TTC7B: variants seen among roughly 807,000 people sequenced by gnomAD.
The protein encoded by TTC7B is tetratricopeptide repeat domain 7B.
Under a neutral mutation model 106.8 loss-of-function variants are expected in TTC7B, and 28 were observed. The ratio of observed to expected loss-of-function variants is 0.26; its 90% CI spans 0.19 to 0.36. The LOEUF (loss-of-function observed/expected upper bound fraction) is 0.36, where lower values mean the gene tolerates loss of function less well. Among genes scored for constraint, TTC7B ranks in the 10% least tolerant of loss-of-function variants. The pLI is 1.00. For synonymous variants in TTC7B, 405 were observed against 430.6 expected, an observed-to-expected ratio of 0.94 and a Z score of 0.74; for missense variants, 862 against 1,076.4, an observed-to-expected ratio of 0.80 and a Z score of 2.79.
chr14:90,581,207 C>T (rs1281792866), intron 18 of TTC7B, among the ~76,000 whole-genome samples: 2 of 152,196 alleles, frequency 1.3e-5, no homozygotes, highest in Non-Finnish European at 2.9e-5. Flanking sequence ...CACAGAAACT[C>T]GAGCAATTCC....
chr14:90,790,562 G>A (rs983802708), intron 1 of TTC7B, among the ~76,000 whole-genome samples: 10 of 152,014 alleles, frequency 6.6e-5, no homozygotes, highest in African/African-American at 1.4e-4. Flanking sequence ...CGGCCTGAGC[G>A]GAGGACTCCT....
rs562704401 is a variant in TTC7B, at chr14:90,531,341, C to G, written c.*10027G>C. On this transcript the variant is annotated 3_prime_UTR_variant, in exon 20 of 20. Coordinates refer to ENST00000328459, the MANE Select transcript of TTC7B (RefSeq NM_001010854.2). ...ATCCCAGCACTTTGGGAGGCTGAGGCGGGCAGATCACCTGAAGCAGGAGTT... is the reference window on the plus strand; with the variant it reads ...ATCCCAGCACTTTGGGAGGCTGAGGGGGGCAGATCACCTGAAGCAGGAGTT... 6.6e-6 allele frequency: 1 copy of G among 151,898 alleles called. No individual in the cohort carries two copies. Among genetic ancestry groups the G allele is most frequent in the Non-Finnish European group, 1.5e-5 (1 of 68,016 alleles). The allele number at this position is 151,898 out of a possible 1,614,324, so 9.4% of individuals were successfully genotyped here. A position where few individuals can be genotyped will look rare whatever the true frequency, so the allele number is the denominator to read the frequency against.
Position 90,657,258 on chromosome 14 carries a change from C to T in TTC7B, c.1257G>A (p.Val419=), listed in dbSNP as rs1441866372. 2 of 1,613,856 alleles carry T rather than the reference C, an allele frequency of 1.2e-6. No homozygotes were observed. The highest frequency in any genetic ancestry group is 2.7e-5 in the African/African-American group (2 of 74,948). ...AAGKSARAVK[V]LKECIRLKPD... is the part of the protein sequence containing the mutation. ...GCTTCAGGCGGATACACTCTTTCAG[C>T]ACCTTCACGGCACGGGCAGACTTGG... The change falls in exon 11 of 20, where the codon GTG becomes GTA. Residue 419 remains valine (V), a synonymous_variant. Coordinates refer to ENST00000328459, the MANE Select transcript of TTC7B (RefSeq NM_001010854.2). This position sits in a 1 kb window ranked among gnomAD's most constrained non-coding sequence, Gnocchi z 4.2.
chr14:90,770,054 G>A (rs866511483), intron 3 of TTC7B, among the ~76,000 whole-genome samples: 2 of 152,188 alleles, frequency 1.3e-5, no homozygotes, highest in Admixed American at 6.5e-5. Context: ...GGAGGCTGAA[G>A]CAGGAGATCT....
chr14:90,814,588 AG>A (rs1014311269), intron 1 of TTC7B, among the ~76,000 whole-genome samples: 1 of 152,208 alleles, frequency 6.6e-6, no homozygotes, highest in African/African-American at 2.4e-5. Flanking sequence ...AAAGACCAGG[AG>A]GCTCACAAAT....
At chr14:90,666,983 T>C (rs1304802134) in intron 9 of TTC7B, among the ~76,000 whole-genome samples, 3 of 152,246 alleles carry the variant, frequency 2.0e-5, no homozygotes, top group Non-Finnish European at 4.4e-5. Context: ...GCTTTGCCAA[T>C]GTAGCTGTTC....
chr14:90,541,455 C>T lies in TTC7B; in HGVS notation c.2445G>A (p.Ala815=), dbSNP rs764453953. Residue 815 remains alanine, a synonymous_variant, in exon 20 of 20, where the codon GCG becomes GCA. Coordinates refer to ENST00000328459, the MANE Select transcript of TTC7B (RefSeq NM_001010854.2). ...CTGTCAGGAAGCACTCCGTAGCCGC[C>T]GCATCGTTGCCCTGAGCTTGGAGGA... ...GEVLQAQGND[A]AATECFLTAL... 13 of 1,613,942 alleles carry T rather than the reference C, an allele frequency of 8.1e-6. No homozygotes were observed. The highest frequency in any genetic ancestry group is 1.7e-5 in the Admixed American group (1 of 60,022).
chr14:90,703,288 G>A (rs1218129253), intron 5 of TTC7B, among the ~76,000 whole-genome samples: 1 of 152,190 alleles, frequency 6.6e-6, no homozygotes, highest in Non-Finnish European at 1.5e-5. Context: ...CTAACAAAAT[G>A]ACTTCATTCA....
rs1346716790 is a variant in TTC7B, at chr14:90,600,504, A to AG, written c.1967-6879_1967-6878insC. Among the ~76,000 whole-genome samples the AG allele has an allele frequency of 6.6e-6, 1 of 152,170 alleles. No homozygotes were observed. Among genetic ancestry groups the AG allele is most frequent in the Non-Finnish European group, 1.5e-5 (1 of 68,030 alleles). ...CTAGTAGACACTTCCATTTTTCACC[A>AG]AGTGAAAAAAGGATTAAGACTCATA... On this transcript the variant is annotated intron_variant, in intron 17 of 19. Coordinates refer to ENST00000328459, the MANE Select transcript of TTC7B (RefSeq NM_001010854.2). This position sits in a 1 kb window ranked among gnomAD's most constrained non-coding sequence, Gnocchi z 4.3.
Position 90,707,862 on chromosome 14 carries a change from G to A in TTC7B, c.699-12284C>T, listed in dbSNP as rs143211953. On this transcript the variant is annotated intron_variant, in intron 5 of 19. Coordinates refer to ENST00000328459, the MANE Select transcript of TTC7B (RefSeq NM_001010854.2). ...CTGTTTCTATGATATAAAAGTGCAA[G>A]GTGGAAAGGTGTGGTGGCTCACGCC... Among the ~76,000 whole-genome samples, 105 of 152,170 alleles carry A rather than the reference G, an allele frequency of 6.9e-4. 3 individuals carry two copies. In the South Asian group the frequency reaches 0.014, roughly 20 times the overall value.
intron 19 of TTC7B, among the ~76,000 whole-genome samples, chr14:90,553,693 C>T (rs571006700): frequency 6.6e-6 from 1 of 152,314 alleles, no homozygotes; most frequent in South Asian, 2.1e-4. Context: ...TCCAGAACAG[C>T]GCACGCTCCC....
intron 1 of TTC7B, among the ~76,000 whole-genome samples, chr14:90,800,260 G>A (rs1348407946): frequency 1.3e-5 from 2 of 152,144 alleles, no homozygotes; most frequent in Non-Finnish European, 2.9e-5. Flanking sequence ...GACTTGGGCA[G>A]GACGAGGTGA....
intron 9 of TTC7B, among the ~76,000 whole-genome samples, chr14:90,670,459 T>C (rs1442980789): frequency 1.3e-5 from 2 of 152,176 alleles, no homozygotes; most frequent in African/African-American, 4.8e-5. Context: ...TGAATGTAAT[T>C]AAATGCAACG....
At chr14:90,547,382 G>C (rs145141706) in intron 19 of TTC7B, among the ~76,000 whole-genome samples, 1 of 152,212 alleles carries the variant, frequency 6.6e-6, no homozygotes, top group Non-Finnish European at 1.5e-5. Context: ...CCTCAAGGGC[G>C]CCTGTGCCAG....
At chr14:90,654,091 T>C (rs1885845464) in intron 12 of TTC7B, among the ~76,000 whole-genome samples, 1 of 152,028 alleles carries the variant, frequency 6.6e-6, no homozygotes, top group Non-Finnish European at 1.5e-5. Flanking sequence ...ATTTGTAAAA[T>C]AAATTACAAC....
chr14:90,612,251 T>C (rs1001016147), intron 16 of TTC7B, among the ~76,000 whole-genome samples: 1 of 152,224 alleles, frequency 6.6e-6, no homozygotes, highest in Non-Finnish European at 1.5e-5. Context: ...AAACAATACA[T>C]GTCTGTGAAC....
At chr14:90,756,500 T>A (rs1595351621) in intron 3 of TTC7B, among the ~76,000 whole-genome samples, 1 of 151,922 alleles carries the variant, frequency 6.6e-6, no homozygotes, top group South Asian at 2.1e-4. Context: ...TTCAAGCGAT[T>A]CTCCTGCCTC....
intron 6 of TTC7B, among the ~76,000 whole-genome samples, chr14:90,694,347 G>A (rs1442307126): frequency 6.6e-6 from 1 of 152,154 alleles, no homozygotes; most frequent in Admixed American, 6.5e-5. Flanking sequence ...GGGACTAGGG[G>A]GAGGGGAAAA....
chr14:90,611,255 TGC>T (rs1346099307), intron 16 of TTC7B, among the ~76,000 whole-genome samples: 1 of 152,164 alleles, frequency 6.6e-6, no homozygotes, highest in Non-Finnish European at 1.5e-5. Flanking sequence ...GCTCCACACC[TGC>T]GCTTCTAAAA....
Sources: allele counts gnomAD v4.1 joint callset (sites outside exome capture counted in the v4.1 genomes callset), GRCh38; gene constraint gnomAD v4.1.1; non-coding constraint Gnocchi (gnomAD v3.1); transcripts MANE v1.5; gene names NCBI Gene and HGNC (gene_info 2026-07-23, HGNC 2026-07-21).